The following COL5A2 variants were observed in gnomAD, a reference collection of about 807,000 sequenced individuals.
COL5A2 encodes the protein collagen type V alpha 2 chain.
A neutral mutation model predicts 208.2 loss-of-function variants in COL5A2; 23 were observed. The ratio of observed to expected loss-of-function variants is 0.11; its 90% confidence interval spans 0.08 to 0.16. The LOEUF (loss-of-function observed/expected upper bound fraction) is 0.16. Among genes scored for constraint, COL5A2 ranks in the 10% least tolerant of loss-of-function variants. The pLI is 1.00. For missense variants in COL5A2, 1,590 were observed against 1,956.4 expected (o/e 0.81, Z 3.53); for synonymous variants, 625 against 628.5 (o/e 0.99, Z 0.08).
At chr2:189,071,566 A>C (rs1327548423) in intron 18 of COL5A2, among the ~76,000 whole-genome samples, 1 of 152,156 alleles carries the variant, frequency 6.6e-6, no homozygotes, top group Non-Finnish European at 1.5e-5. Context: ...ATAGAATTGG[A>C]TTGTGGAGCT....
the COL5A2 span, among the ~76,000 whole-genome samples, chr2:189,237,537 C>T: frequency 3.3e-5 from 5 of 151,624 alleles, no homozygotes; most frequent in Admixed American, 3.3e-4. Flanking sequence ...TGAGGAATGA[C>T]ATTGGTCTAG....
chr2:189,053,363 T>C (rs1685832066), intron 38 of COL5A2, 61 bp downstream of exon 38: 2 of 1,394,880 alleles, frequency 1.4e-6, no homozygotes, highest in Admixed American at 1.7e-5. Context: ...ACAATGATCA[T>C]TAAACTTATT....
At chr2:189,320,278 T>C in the COL5A2 span, among the ~76,000 whole-genome samples, 3 of 152,316 alleles carry the variant, frequency 2.0e-5, no homozygotes, top group African/African-American at 7.2e-5. Context: ...TCCAAAGGAA[T>C]GCAGCTCCTC....
intron 1 of COL5A2, among the ~76,000 whole-genome samples, chr2:189,201,710 C>T (rs1467450090): frequency 6.6e-6 from 1 of 151,870 alleles, no homozygotes; most frequent in African/African-American, 2.4e-5. Context: ...ATTACAAAAA[C>T]AGCATGAGGA....
intron 3 of COL5A2, 57 bp from the exon 4 acceptor site, chr2:189,100,196 G>T: frequency 7.5e-7 from 1 of 1,339,302 alleles, no homozygotes; most frequent in Non-Finnish European, 1.1e-6. Context: ...GGCTTGCTGG[G>T]CAAAAACATG....
At chr2:189,268,276 T>TG in the COL5A2 span, among the ~76,000 whole-genome samples, 1 of 152,190 alleles carries the variant, frequency 6.6e-6, no homozygotes, top group East Asian at 1.9e-4. Flanking sequence ...TATCACTTCA[T>TG]TTTTAAGATA....
intron 1 of COL5A2, among the ~76,000 whole-genome samples, chr2:189,157,510 A>T (rs1688277881): frequency 6.6e-6 from 1 of 151,988 alleles, no homozygotes; most frequent in Non-Finnish European, 1.5e-5. Flanking sequence ...TAGTTCTGTT[A>T]TCTTCTAGAG....
Position 189,034,208 on chromosome 2 carries a change from A to T in COL5A2, c.4362T>A (p.Asn1454Lys), listed in dbSNP as rs372170366. ...CAAAGACAGTCTTGCCCACATTTCCATTCCGCTTCTGAAATTAAATGATGC... is the reference window on the plus strand; with the variant it reads ...CAAAGACAGTCTTGCCCACATTTCCTTTCCGCTTCTGAAATTAAATGATGC... ...IVLQDTCSKR[N>K]GNVGKTVFEY... The change falls in exon 54 of 54, where the codon AAT becomes AAA. Residue 1454 changes from asparagine to lysine, a missense_variant. By Grantham distance (94) the Asn-to-Lys change is moderately conservative (BLOSUM62 0). Coordinates refer to ENST00000374866, the MANE Select transcript of COL5A2 (RefSeq NM_000393.5). 54 of 1,613,848 alleles carry T rather than the reference A, an allele frequency of 3.3e-5. No homozygotes were observed. The African/African-American group carries it at 4.0e-4, about 12-fold the overall frequency.
At chr2:189,042,369 G>A (rs1453861955) in intron 49 of COL5A2, among the ~76,000 whole-genome samples, 1 of 152,078 alleles carries the variant, frequency 6.6e-6, no homozygotes, top group Non-Finnish European at 1.5e-5. Flanking sequence ...AATATATTTA[G>A]CTTCAAAATC....
chr2:189,274,310 C>T, the COL5A2 span, among the ~76,000 whole-genome samples: 1 of 152,104 alleles, frequency 6.6e-6, no homozygotes, highest in East Asian at 1.9e-4. Context: ...CCATTTATAG[C>T]AAGTATATTG....
chr2:189,333,930 C>CA, the COL5A2 span, among the ~76,000 whole-genome samples: 166 of 125,980 alleles, frequency 1.3e-3, no homozygotes, highest in African/African-American at 2.7e-3. Context: ...AGGAAGACTG[C>CA]AAAAAAAAAA....
chr2:189,097,510 T>G, intron 5 of COL5A2, 180 bp from the exon 6 acceptor site: 1 of 710,718 alleles, frequency 1.4e-6, no homozygotes, highest in African/African-American at 1.8e-5. Context: ...AGAAGCGTTG[T>G]TTATGTTATC....
At chr2:189,413,133 G>A in the COL5A2 span, among the ~76,000 whole-genome samples, 1 of 152,160 alleles carries the variant, frequency 6.6e-6, no homozygotes. Flanking sequence ...AAATAGATTA[G>A]AAAGATAGGT....
chr2:189,042,685 T>A (rs993907162), intron 49 of COL5A2, 35 bp downstream of exon 49: 1 of 1,590,820 alleles, frequency 6.3e-7, no homozygotes. Context: ...GGCATTATTA[T>A]TTACACCTGC....
chr2:189,150,870 T>C (rs1297000620), intron 1 of COL5A2, among the ~76,000 whole-genome samples: 1 of 152,158 alleles, frequency 6.6e-6, no homozygotes, highest in Non-Finnish European at 1.5e-5. Flanking sequence ...CCTGCTTGGT[T>C]ACTTCCAGAG....
the COL5A2 span, among the ~76,000 whole-genome samples, chr2:189,241,074 C>A: frequency 6.6e-6 from 1 of 152,120 alleles, no homozygotes; most frequent in Non-Finnish European, 1.5e-5. Context: ...TTTTCATTTT[C>A]ATCTTCAATC....
At chr2:189,385,069 T>C in the COL5A2 span, among the ~76,000 whole-genome samples, 3 of 152,318 alleles carry the variant, frequency 2.0e-5, no homozygotes, top group Non-Finnish European at 2.9e-5. Context: ...TCTATTCATA[T>C]ATTGTTTTCT....
chr2:189,230,519 G>T, the COL5A2 span, among the ~76,000 whole-genome samples: 1 of 151,686 alleles, frequency 6.6e-6, no homozygotes, highest in East Asian at 1.9e-4. Context: ...ATTTTAAATG[G>T]ACAAATGACT....
chr2:189,293,934 A>C, the COL5A2 span, among the ~76,000 whole-genome samples: 1 of 152,020 alleles, frequency 6.6e-6, no homozygotes, highest in Admixed American at 6.6e-5. Context: ...ACAAAATACA[A>C]AAAATTAGCC....
Sources: allele counts gnomAD v4.1 joint callset (sites outside exome capture counted in the v4.1 genomes callset), GRCh38; gene constraint gnomAD v4.1.1; transcripts MANE v1.5; gene names NCBI Gene and HGNC (gene_info 2026-07-23, HGNC 2026-07-21).